Variants in ANO2 observed in about 807,000 individuals in gnomAD.
The protein encoded by ANO2 is anoctamin-2.
In ANO2, 101 loss-of-function variants were observed where a neutral mutation model predicts 124.2. The observed-to-expected ratio is 0.81, with a 90% CI of 0.69 to 0.96. The LOEUF (loss-of-function observed/expected upper bound fraction) is 0.96, where lower values mean the gene tolerates loss of function less well. ANO2 is among the 40% of genes least tolerant of loss of function. The pLI, the probability that ANO2 is intolerant of heterozygous loss-of-function variation, is 0.00. For synonymous variants in ANO2, 486 were observed against 482.5 expected (o/e 1.01, Z -0.09); for missense variants, 1,293 against 1,274.5 (o/e 1.01, Z -0.22).
chr12:5,810,006 G>T (rs546706671), intron 7 of ANO2, among the ~76,000 whole-genome samples: 1 of 152,370 alleles, frequency 6.6e-6, no homozygotes, highest in African/African-American at 2.4e-5. Context: ...AAGACAGAAA[G>T]TCAAGGTAAA....
chr12:5,627,797 G>T (rs1945492285), intron 16 of ANO2, among the ~76,000 whole-genome samples: 1 of 152,080 alleles, frequency 6.6e-6, no homozygotes, highest in Non-Finnish European at 1.5e-5. Context: ...TTAGACTCAA[G>T]ACTTCCTGGT....
intron 9 of ANO2, among the ~76,000 whole-genome samples, chr12:5,800,211 C>A (rs1297425641): frequency 6.6e-6 from 1 of 152,152 alleles, no homozygotes; most frequent in Non-Finnish European, 1.5e-5. Context: ...GTGCATATGG[C>A]ACATCCTAGG....
In ANO2 at chr12:5,877,960, A is replaced by T. The variant is rs576495285; in HGVS notation, c.535-23819T>A. Among the ~76,000 whole-genome samples the T allele has an allele frequency of 2.1e-3, 324 of 152,342 alleles. 1 individual carries two copies. The highest frequency in any genetic ancestry group is 3.6e-3 in the Non-Finnish European group (244 of 68,034). ...GATGAAGCTTCACTTGTTCACATGC[A>T]GCTCACCTCCACTACCGGCCCACGG... On this transcript the variant is annotated intron_variant, in intron 3 of 24. Coordinates refer to ENST00000682330, the MANE Select transcript of ANO2 (RefSeq NM_001364791.2).
chr12:5,600,701 A>G (rs1943899275), intron 19 of ANO2, among the ~76,000 whole-genome samples: 1 of 152,320 alleles, frequency 6.6e-6, no homozygotes, highest in Non-Finnish European at 1.5e-5. Context: ...TTACTTTTTA[A>G]TGGCAAAAAC....
At chr12:5,590,344 G>C (rs963071038) in intron 20 of ANO2, among the ~76,000 whole-genome samples, 5 of 152,170 alleles carry the variant, frequency 3.3e-5, no homozygotes, top group Non-Finnish European at 1.5e-5. Flanking sequence ...AAAGATCGTC[G>C]ACACAGCAAG....
chr12:5,805,057 G>A (rs562030665), intron 9 of ANO2, among the ~76,000 whole-genome samples: 5 of 152,042 alleles, frequency 3.3e-5, no homozygotes, highest in Non-Finnish European at 5.9e-5. Context: ...TATTAGCATC[G>A]GATAGAAAAC....
chr12:5,860,840 C>A (rs1955246521), intron 3 of ANO2, among the ~76,000 whole-genome samples: 1 of 152,180 alleles, frequency 6.6e-6, no homozygotes, highest in African/African-American at 2.4e-5. Flanking sequence ...CAAAACACAA[C>A]CTGAACTGGA....
intron 4 of ANO2, among the ~76,000 whole-genome samples, chr12:5,844,762 A>G (rs1290573384): frequency 6.6e-6 from 1 of 152,116 alleles, no homozygotes; most frequent in African/African-American, 2.4e-5. Context: ...TCTGCAGAAC[A>G]TTGGTTCCTC....
chr12:5,647,505 C>T (rs1475110216), intron 15 of ANO2, among the ~76,000 whole-genome samples: 1 of 152,190 alleles, frequency 6.6e-6, no homozygotes, highest in African/African-American at 2.4e-5. Flanking sequence ...TGTCTCCATG[C>T]AGAAGCACCA....
chr12:5,736,347 A>G (rs1950864560), intron 13 of ANO2, among the ~76,000 whole-genome samples: 1 of 152,160 alleles, frequency 6.6e-6, no homozygotes, highest in South Asian at 2.1e-4. Flanking sequence ...GGAGGACTAG[A>G]GGGTGCACAA....
chr12:5,835,663 C>T (rs1416649160), intron 4 of ANO2, among the ~76,000 whole-genome samples: 2 of 152,200 alleles, frequency 1.3e-5, no homozygotes, highest in African/African-American at 2.4e-5. Flanking sequence ...TGGCAAAGCC[C>T]GTGTTCTTGA....
At chr12:5,616,346 T>C (rs1379795971) in intron 16 of ANO2, among the ~76,000 whole-genome samples, 21 of 152,108 alleles carry the variant, frequency 1.4e-4, no homozygotes, top group Admixed American at 1.4e-3. Flanking sequence ...GGGAAAGGCA[T>C]CTCTCTCAGG....
At chr12:5,577,848 A>G (rs1349149763) in intron 22 of ANO2, 107 bp downstream of exon 22, 5 of 1,147,732 alleles carry the variant, frequency 4.4e-6, no homozygotes, top group Non-Finnish European at 6.2e-6. Flanking sequence ...TAAAGCTACA[A>G]ATGGAAAAGG....
At chr12:5,688,190 G>A (rs552712555) in intron 14 of ANO2, among the ~76,000 whole-genome samples, 10 of 152,260 alleles carry the variant, frequency 6.6e-5, no homozygotes, top group African/African-American at 2.2e-4. Context: ...CTCCAAATCG[G>A]GACCTGAGCA....
intron 9 of ANO2, among the ~76,000 whole-genome samples, chr12:5,805,793 G>A (rs1164362626): frequency 1.3e-5 from 2 of 152,180 alleles, no homozygotes; most frequent in East Asian, 3.9e-4. Context: ...TGCCATGGGA[G>A]GGTGGGGTGA....
intron 3 of ANO2, among the ~76,000 whole-genome samples, chr12:5,871,765 T>C (rs760220104): frequency 5.9e-5 from 9 of 152,154 alleles, no homozygotes; most frequent in Non-Finnish European, 1.2e-4. Context: ...AACGGTTTGA[T>C]GGGATAAGCA....
chr12:5,898,379 A>C (rs1344199902), intron 3 of ANO2, among the ~76,000 whole-genome samples: 1 of 152,234 alleles, frequency 6.6e-6, no homozygotes, highest in Non-Finnish European at 1.5e-5. Context: ...TGACCCAGCA[A>C]TTCCACTCCT....
intron 16 of ANO2, among the ~76,000 whole-genome samples, chr12:5,634,374 T>G (rs1945892807): frequency 6.6e-6 from 1 of 152,158 alleles, no homozygotes; most frequent in Non-Finnish European, 1.5e-5. Flanking sequence ...AACCTCCGTA[T>G]GAGGTTAACA....
chr12:5,695,134 A>G (rs1351220068), intron 14 of ANO2, among the ~76,000 whole-genome samples: 2 of 152,142 alleles, frequency 1.3e-5, no homozygotes, highest in East Asian at 1.9e-4. Context: ...ACTGCTCCCT[A>G]GAAGAAAAAG....
Sources: allele counts gnomAD v4.1 joint callset (sites outside exome capture counted in the v4.1 genomes callset), GRCh38; gene constraint gnomAD v4.1.1; transcripts MANE v1.5; gene names NCBI Gene and HGNC (gene_info 2026-07-23, HGNC 2026-07-21).